EP300: variants seen among roughly 807,000 people sequenced by gnomAD.
The protein encoded by EP300 is EP300 lysine acetyltransferase, also known as histone acetyltransferase p300.
A neutral mutation model predicts 264.0 loss-of-function variants in EP300; 31 were observed. The observed-to-expected ratio is 0.12, with a 90% CI of 0.09 to 0.16. The LOEUF is 0.16. Ranked by LOEUF, EP300 falls within the 10% of genes least tolerant of loss-of-function variation. The pLI is 1.00. For synonymous variants in EP300, 1,340 were observed against 1,045.4 expected (o/e 1.28, Z -5.44); for missense variants, 2,766 against 3,052.9 (o/e 0.91, Z 2.21).
rs9619941 is a variant in EP300, at chr22:41,125,751, C to G, written c.730-113C>G. On this transcript the variant is annotated intron_variant, in intron 2 of 30. Coordinates refer to ENST00000263253, the MANE Select transcript of EP300 (RefSeq NM_001429.4). ...GCTGTAGTGTCTTTTCTAATAGAAG[C>G]TGAGAATTTCCTTTGAAACTGTCTT... The G allele has an allele frequency of 6.2e-3, 7,187 of 1,161,390 alleles. 311 individuals are homozygous for G. The African/African-American group carries it at 0.099, about 16-fold the overall frequency. 71.9% of individuals were successfully genotyped at this position (1,161,390 alleles called of 1,614,324 possible). A position where few individuals can be genotyped will look rare whatever the true frequency, so the allele number is the denominator to read the frequency against.
In EP300 at chr22:41,147,870, A is replaced by G. The variant is rs751846757; in HGVS notation, c.2165A>G (p.Gln722Arg). Residue 722 changes from glutamine to arginine, a missense_variant, in exon 12 of 31, where the codon CAG (glutamine) becomes CGG (arginine). Physicochemically the swap from Gln to Arg is conservative, Grantham distance 43. Transcript: ENST00000263253. ...LNQFGQMSMA[Q>R]PPIVPRQTPP... ...CAATTTGGCCAGATGAGCATGGCCCAGCCCCCTATTGTACCCCGGCAAACC... is the reference window on the plus strand; with the variant it reads ...CAATTTGGCCAGATGAGCATGGCCCGGCCCCCTATTGTACCCCGGCAAACC... The G allele has an allele frequency of 3.7e-6, 6 of 1,614,038 alleles. No individual in the cohort carries two copies. Among genetic ancestry groups the G allele is most frequent in the South Asian group, 1.1e-5 (1 of 91,092 alleles).
intron 1 of EP300, among the ~76,000 whole-genome samples, chr22:41,100,880 G>A (rs896957721): frequency 5.9e-5 from 9 of 151,516 alleles, no homozygotes; most frequent in South Asian, 2.1e-4. Flanking sequence ...ATCATGTCAC[G>A]TATATATATA....
intron 22 of EP300, among the ~76,000 whole-genome samples, chr22:41,166,308 T>TC (rs1276803587): frequency 6.6e-6 from 1 of 152,212 alleles, no homozygotes; most frequent in Admixed American, 6.5e-5. Flanking sequence ...TTAGGATTTT[T>TC]CTCCCCTATC....
chr22:41,146,107 T>C (rs1287419661), intron 10 of EP300, among the ~76,000 whole-genome samples: 1 of 151,992 alleles, frequency 6.6e-6, no homozygotes, highest in Non-Finnish European at 1.5e-5. Context: ...CTCTGTTGCA[T>C]GCCAACCAGA....
At position 41,177,624 on chromosome 22, in the gene EP300, C is replaced by A. The variant is rs2145518495; in HGVS notation, c.5913C>A (p.Pro1971=). 1 of 1,614,152 alleles carries A rather than the reference C, an allele frequency of 6.2e-7. No homozygotes were observed. The highest frequency in any genetic ancestry group is 8.5e-7 in the Non-Finnish European group (1 of 1,180,036). ...PMAPMGMNPP[P]MTRGPSGHLE... is the part of the protein sequence containing the mutation. ...CCCCCATGGGTATGAACCCACCTCC[C>A]ATGACCAGAGGTCCCAGTGGGCATT... Residue 1971 remains proline, a synonymous_variant, in exon 31 of 31, where the codon CCC becomes CCA. Coordinates refer to ENST00000263253, the MANE Select transcript of EP300 (RefSeq NM_001429.4).
At chr22:41,101,093 G>A (rs1230514469) in intron 1 of EP300, among the ~76,000 whole-genome samples, 1 of 152,058 alleles carries the variant, frequency 6.6e-6, no homozygotes, top group Non-Finnish European at 1.5e-5. Context: ...CTTCTTTTTA[G>A]ACACAGAGTC....
At chr22:41,100,320 A>C (rs2058724306) in intron 1 of EP300, among the ~76,000 whole-genome samples, 1 of 152,172 alleles carries the variant, frequency 6.6e-6, no homozygotes, top group Admixed American at 6.5e-5. Context: ...GCAGAAAATG[A>C]AACGGGGTAA....
intron 1 of EP300, among the ~76,000 whole-genome samples, chr22:41,097,437 C>G (rs926590366): frequency 6.6e-6 from 1 of 150,766 alleles, no homozygotes; most frequent in Non-Finnish European, 1.5e-5. Context: ...TTTTCTCTCT[C>G]TTCTTTATTT....
chr22:41,114,595 C>G (rs2058811315), intron 1 of EP300, among the ~76,000 whole-genome samples: 1 of 152,130 alleles, frequency 6.6e-6, no homozygotes, highest in Non-Finnish European at 1.5e-5. Flanking sequence ...TGACTTAGTT[C>G]ATATATGACC....
chr22:41,148,239 G>T (rs1206564612), intron 12 of EP300, among the ~76,000 whole-genome samples: 2 of 152,148 alleles, frequency 1.3e-5, no homozygotes, highest in Non-Finnish European at 1.5e-5. Flanking sequence ...AAGGTTGATG[G>T]TGCGTTTTTG....
At chr22:41,096,683 A>T (rs2058704324) in intron 1 of EP300, among the ~76,000 whole-genome samples, 1 of 141,892 alleles carries the variant, frequency 7.0e-6, no homozygotes, top group Non-Finnish European at 1.5e-5. Flanking sequence ...CAGTAGCTCG[A>T]TCTTGGCTCA....
chr22:41,130,043 T>A (rs2145713895), intron 5 of EP300, 40 bp downstream of exon 5: 1 of 1,511,400 alleles, frequency 6.6e-7, no homozygotes, highest in African/African-American at 1.4e-5. Flanking sequence ...ATGAAAAGTT[T>A]TAAAGTCTCA....
intron 16 of EP300, 103 bp from the exon 17 acceptor site, chr22:41,154,891 TG>T (rs1370843518): frequency 1.1e-5 from 9 of 803,156 alleles, no homozygotes; most frequent in Non-Finnish European, 1.7e-5. Context: ...TGGTTAATTT[TG>T]TTATTGATTC....
At chr22:41,122,304 T>G (rs2058857334) in intron 2 of EP300, among the ~76,000 whole-genome samples, 2 of 152,026 alleles carry the variant, frequency 1.3e-5, no homozygotes, top group African/African-American at 4.8e-5. Context: ...TAGGTGGGAT[T>G]GCAGGTGTGT....
chr22:41,179,855 T>G lies in EP300; in HGVS notation c.*899T>G, dbSNP rs921971462. 34 of 228,996 alleles carry G rather than the reference T, an allele frequency of 1.5e-4. 1 individual carries two copies. The highest frequency in any genetic ancestry group is 3.7e-4 in the East Asian group (6 of 16,024). 14.2% of individuals were successfully genotyped at this position (228,996 alleles called of 1,614,324 possible). On this transcript the variant is annotated 3_prime_UTR_variant, in exon 31 of 31. Coordinates refer to ENST00000263253, the MANE Select transcript of EP300 (RefSeq NM_001429.4). ...CTGGGGGTTTCTTCTTTGCTTGCTT[T>G]CTTCCTCCTTACCCTACCCCCCACT...
Position 41,168,469 on chromosome 22 carries a change from G to C in EP300, c.3895G>C (p.Gly1299Arg), listed in dbSNP as rs2145762743. 6.2e-7 allele frequency: 1 copy of C among 1,614,162 alleles called. No individual in the cohort carries two copies. The highest frequency in any genetic ancestry group is 8.5e-7 in the Non-Finnish European group (1 of 1,180,036). Reference sequence around the variant, plus strand: ...CCTAGGGTTGCCATCTACCAGACTTGGCACCTTTCTAGAGAATCGTGTGAA... The same window carrying C: ...CCTAGGGTTGCCATCTACCAGACTTCGCACCTTTCTAGAGAATCGTGTGAA... The part of the protein sequence containing the change: ...SAKRLPSTRL[G>R]TFLENRVNDF... The change falls in exon 24 of 31, where the codon GGC (glycine) becomes CGC (arginine). Residue 1299 changes from glycine to arginine, a missense_variant. Transcript: ENST00000263253.
At chr22:41,116,252 A>G (rs1185211158) in intron 1 of EP300, among the ~76,000 whole-genome samples, 2 of 152,104 alleles carry the variant, frequency 1.3e-5, no homozygotes, top group Non-Finnish European at 2.9e-5. Context: ...GTTTTGGGAT[A>G]CATGTGCAGA....
At chr22:41,149,312 G>T in intron 13 of EP300, 137 bp downstream of exon 13, 6 of 993,584 alleles carry the variant, frequency 6.0e-6, no homozygotes, top group Non-Finnish European at 9.3e-6. Flanking sequence ...TTTGGACTTA[G>T]GGTATTCTGA....
chr22:41,165,508 C>T (rs2059129333), intron 22 of EP300, among the ~76,000 whole-genome samples: 1 of 152,152 alleles, frequency 6.6e-6, no homozygotes, highest in South Asian at 2.1e-4. Flanking sequence ...ACTGCAACCT[C>T]TGCCTCCCAG....
Sources: allele counts gnomAD v4.1 joint callset (sites outside exome capture counted in the v4.1 genomes callset), GRCh38; gene constraint gnomAD v4.1.1; transcripts MANE v1.5; gene names NCBI Gene and HGNC (gene_info 2026-07-23, HGNC 2026-07-21).